Variants in FEZ1 observed in about 807,000 individuals in gnomAD.
FEZ1 encodes fasciculation and elongation protein zeta 1.
Under a neutral mutation model 49.3 loss-of-function variants are expected in FEZ1, and 20 were observed. The ratio of observed to expected loss-of-function variants is 0.41; its 90% CI spans 0.29 to 0.59. FEZ1 has a LOEUF of 0.59. FEZ1 is among the 20% of genes least tolerant of loss of function. The pLI is 0.36. For synonymous variants in FEZ1, 170 were observed against 180.9 expected (o/e 0.94, Z 0.48); for missense variants, 413 against 476.0 (o/e 0.87, Z 1.23).
chr11:125,454,358 A>G, intron 6 of FEZ1, 148 bp from the exon 7 acceptor site: 1 of 515,082 alleles, frequency 1.9e-6, no homozygotes, highest in South Asian at 3.2e-5. Flanking sequence ...TTACAGAGAC[A>G]GGCCAGAATT....
At chr11:125,485,287 C>G (rs947367994) in intron 2 of FEZ1, among the ~76,000 whole-genome samples, 4 of 151,948 alleles carry the variant, frequency 2.6e-5, no homozygotes, top group African/African-American at 9.7e-5. Context: ...AAGTATCTTT[C>G]GCCACAGAGA....
Position 125,444,019 on chromosome 11 carries a change from G to A in FEZ1, c.*2076C>T, listed in dbSNP as rs1336399786. On this transcript the variant is annotated 3_prime_UTR_variant, in exon 10 of 10. Coordinates refer to ENST00000278919, the MANE Select transcript of FEZ1 (RefSeq NM_005103.5). ...GAGGCTGGTGAAAAACCCCGTCGCCGGCAGAGTGCTAAACATGCTAATGAC... is the reference window on the plus strand; with the variant it reads ...GAGGCTGGTGAAAAACCCCGTCGCCAGCAGAGTGCTAAACATGCTAATGAC... Among the ~76,000 whole-genome samples, 1 of 152,160 alleles carries A rather than the reference G, an allele frequency of 6.6e-6. No individual in the cohort carries two copies. The highest frequency in any genetic ancestry group is 2.4e-5 in the African/African-American group (1 of 41,424).
chr11:125,461,140 C>G (rs781377021), intron 4 of FEZ1, among the ~76,000 whole-genome samples: 1 of 152,104 alleles, frequency 6.6e-6, no homozygotes, highest in Non-Finnish European at 1.5e-5. Flanking sequence ...TTCACCTAGA[C>G]AGGAACTGAA....
chr11:125,482,449 T>C lies in FEZ1; in HGVS notation c.312-816A>G, dbSNP rs148255291. Among the ~76,000 whole-genome samples, 1,100 of 152,348 alleles carry C rather than the reference T, an allele frequency of 7.2e-3. 13 individuals carry two copies. Among genetic ancestry groups the C allele is most frequent in the African/African-American group, 0.025 (1,052 of 41,584 alleles). On this transcript the variant is annotated intron_variant, in intron 2 of 9. Coordinates refer to ENST00000278919, the MANE Select transcript of FEZ1 (RefSeq NM_005103.5). ...CATTTATTACATTTCTTTTTAAAAT[T>C]CTGATATGTACATTATAAGAAAGGA...
At position 125,449,154 on chromosome 11, in the gene FEZ1, C is replaced by T. The variant is rs547256436; in HGVS notation, c.1097-587G>A. Among the ~76,000 whole-genome samples, 5 of 151,956 alleles carry T rather than the reference C, an allele frequency of 3.3e-5. No homozygotes were observed. In the South Asian group the frequency reaches 1.0e-3, roughly 32 times the overall value. Reference sequence around the variant, plus strand: ...CTCCTGGGTTCAAGTAATCCTCCCCCTCTCAGCCTCCCAAGTAGCTGAGAC... The same window carrying T: ...CTCCTGGGTTCAAGTAATCCTCCCCTTCTCAGCCTCCCAAGTAGCTGAGAC... On this transcript the variant is annotated intron_variant, in intron 8 of 9. Transcript: ENST00000278919.
At position 125,493,455 on chromosome 11, in the gene FEZ1, AAGGAAAGAAGGAAAGAAGGAAAGAAG is replaced by A. The variant is rs1565307076; in HGVS notation, c.-46+2640_-46+2665del. On this transcript the variant is annotated intron_variant, in intron 1 of 9. Transcript: ENST00000278919. ...GAAGGAAAGAAGGAAAGAAGGAAAG[AAGGAAAGAAGGAAAGAAGGAAAGAAG>A]GAAAGAAGGAAAGAAAGAAAGAAAG... 2.5e-4 allele frequency among the ~76,000 whole-genome samples: 15 copies of A among 60,010 alleles called. 1 individual carries two copies. The highest frequency in any genetic ancestry group is 1.8e-3 in the African/African-American group (15 of 8,508). 39.4% of individuals were successfully genotyped at this position (60,010 alleles called of 152,430 possible). A position where few individuals can be genotyped will look rare whatever the true frequency, so the allele number is the denominator to read the frequency against.
chr11:125,494,612 A>G (rs1957438849), intron 1 of FEZ1, among the ~76,000 whole-genome samples: 2 of 152,174 alleles, frequency 1.3e-5, no homozygotes, highest in South Asian at 4.1e-4. Flanking sequence ...TTTTCTCTTT[A>G]CCACAGAACA....
At chr11:125,466,342 T>A (rs548954084) in intron 3 of FEZ1, among the ~76,000 whole-genome samples, 1 of 152,142 alleles carries the variant, frequency 6.6e-6, no homozygotes, top group African/African-American at 2.4e-5. Flanking sequence ...TAGTCAGGCA[T>A]GATGGCACAC....
chr11:125,455,285 G>A (rs1397064189), intron 6 of FEZ1, among the ~76,000 whole-genome samples: 1 of 151,996 alleles, frequency 6.6e-6, no homozygotes, highest in African/African-American at 2.4e-5. Flanking sequence ...CAGCTACTAG[G>A]GAGGCTGAGA....
rs975587419 is a variant in FEZ1, at chr11:125,444,656, T to C, written c.*1439A>G. On this transcript the variant is annotated 3_prime_UTR_variant, in exon 10 of 10. Transcript: ENST00000278919. ...GTGCCTTCTGTGTCCCCTAGATGGA[T>C]TCTGTGGCCTTCTGTGGAGCTGCTG... Among the ~76,000 whole-genome samples the C allele has an allele frequency of 1.3e-5, 2 of 151,898 alleles. No homozygotes were observed. Among genetic ancestry groups the C allele is most frequent in the African/African-American group, 4.8e-5 (2 of 41,420 alleles).
At chr11:125,464,663 T>A (rs1000849181) in intron 3 of FEZ1, among the ~76,000 whole-genome samples, 1 of 152,130 alleles carries the variant, frequency 6.6e-6, no homozygotes, top group Non-Finnish European at 1.5e-5. Context: ...TTGGCAGACA[T>A]CCCTAACAGA....
intron 8 of FEZ1, among the ~76,000 whole-genome samples, chr11:125,451,790 T>C (rs1956960873): frequency 6.6e-6 from 1 of 152,228 alleles, no homozygotes; most frequent in Non-Finnish European, 1.5e-5. Context: ...AGAATGTTTA[T>C]TAATATTTGA....
At chr11:125,477,179 G>A (rs1297528175) in intron 3 of FEZ1, among the ~76,000 whole-genome samples, 1 of 151,852 alleles carries the variant, frequency 6.6e-6, no homozygotes, top group African/African-American at 2.4e-5. Flanking sequence ...CTTTCTGGTG[G>A]GGATAGACTG....
At chr11:125,459,309 AGGCCGGGCATGGT>A (rs1957050177) in intron 5 of FEZ1, among the ~76,000 whole-genome samples, 1 of 151,688 alleles carries the variant, frequency 6.6e-6, no homozygotes, top group South Asian at 2.1e-4. Context: ...ATAGTTTTCT[AGGCCGGGCATGGT>A]GGCTCACACC....
intron 1 of FEZ1, among the ~76,000 whole-genome samples, chr11:125,493,489 GGAA>G: frequency 2.0e-5 from 1 of 49,712 alleles, no homozygotes. Context: ...AAGGAAAGAA[GGAA>G]AGAAAGAAAG....
rs143939808 is a variant in FEZ1 at position 125,488,673 on chromosome 11, T to C, written c.311+794A>G. 400 of 970,962 alleles carry C rather than the reference T, an allele frequency of 4.1e-4. 8 individuals carry two copies. In the East Asian group the frequency reaches 0.038, roughly 92 times the overall value. 60.1% of individuals were successfully genotyped at this position (970,962 alleles called of 1,614,324 possible). A position where few individuals can be genotyped will look rare whatever the true frequency, so the allele number is the denominator to read the frequency against. ...CCAGCCTGGGCGATAGAATGAAACTTCATCTCAAAAAAAAACAAAACAAAA... is the reference window on the plus strand; with the variant it reads ...CCAGCCTGGGCGATAGAATGAAACTCCATCTCAAAAAAAAACAAAACAAAA... On this transcript the variant is annotated intron_variant, in intron 2 of 9. Transcript: ENST00000278919.
At chr11:125,462,258 T>C (rs940276837) in intron 4 of FEZ1, among the ~76,000 whole-genome samples, 1 of 152,254 alleles carries the variant, frequency 6.6e-6, no homozygotes, top group East Asian at 1.9e-4. Flanking sequence ...CATAAATATT[T>C]GTTGACTAAA....
At chr11:125,474,067 C>T (rs1046555431) in intron 3 of FEZ1, among the ~76,000 whole-genome samples, 1 of 151,664 alleles carries the variant, frequency 6.6e-6, no homozygotes, top group Non-Finnish European at 1.5e-5. Flanking sequence ...CTCTGTTGCC[C>T]AGACTGGAGT....
Position 125,495,197 on chromosome 11 carries a change from G to T in FEZ1, c.-46+924C>A. ...CCTCCCCCCAGTCCGGTGGGGTAAAGAAAGCCTCCTCCAGGCAGCACAATG... is the reference window on the plus strand; with the variant it reads ...CCTCCCCCCAGTCCGGTGGGGTAAATAAAGCCTCCTCCAGGCAGCACAATG... On this transcript the variant is annotated intron_variant, in intron 1 of 9. Transcript: ENST00000278919. This position sits in a 1 kb window ranked among gnomAD's most constrained non-coding sequence, Gnocchi z 4.2. 1 of 357,734 alleles carries T rather than the reference G, an allele frequency of 2.8e-6. No homozygotes were observed. The highest frequency in any genetic ancestry group is 5.8e-6 in the Non-Finnish European group (1 of 171,592). The allele number at this position is 357,734 out of a possible 1,614,324, so 22.2% of individuals were successfully genotyped here. A position where few individuals can be genotyped will look rare whatever the true frequency, so the allele number is the denominator to read the frequency against.
Sources: gnomAD v4.1 joint callset for allele counts (sites outside exome capture counted in the v4.1 genomes callset) on GRCh38, gnomAD v4.1.1 for gene constraint, Gnocchi (gnomAD v3.1) non-coding constraint, MANE v1.5 for transcripts, NCBI Gene and HGNC (gene_info 2026-07-23, HGNC 2026-07-21) for gene names.